CLEC12A: variants seen among roughly 807,000 people sequenced by gnomAD.
The protein encoded by CLEC12A is C-type lectin domain family 12 member A.
In CLEC12A, 22 loss-of-function variants were observed where a neutral mutation model predicts 26.5. The ratio of observed to expected loss-of-function variants is 0.83; its 90% CI spans 0.59 to 1.19. The LOEUF is 1.19. Among genes scored for constraint, CLEC12A ranks in the 50% most tolerant of loss-of-function variants. The pLI is 0.00. For missense variants in CLEC12A, 353 were observed against 315.6 expected (o/e 1.12, Z -0.90); for synonymous variants, 119 against 101.9 (o/e 1.17, Z -1.01).
chr12:9,995,295 T>G, exon 5 of CLEC12A: 9 of 1,475,570 alleles, frequency 6.1e-6, no homozygotes, highest in African/African-American at 1.4e-5. Context: ...TCCACAGCTC[T>G]TGGTATGATA....
intron 4 of CLEC12A, chr12:9,993,180 C>T (rs1445682894): frequency 6.2e-7 from 1 of 1,612,152 alleles, no homozygotes; most frequent in Non-Finnish European, 8.5e-7. Flanking sequence ...GCCAGCCTTC[C>T]TCTCACACAT....
the CLEC12A span, among the ~76,000 whole-genome samples, chr12:10,002,171 G>A: frequency 3.1e-3 from 470 of 152,130 alleles, 2 homozygotes; most frequent in African/African-American, 0.011. Flanking sequence ...TTTAGCTACC[G>A]CGCCTGGCCT....
intron 5 of CLEC12A, among the ~76,000 whole-genome samples, chr12:9,982,554 T>A (rs1325692356): frequency 6.6e-6 from 1 of 152,136 alleles, no homozygotes; most frequent in Non-Finnish European, 1.5e-5. Context: ...TATAGTGTGA[T>A]AAATGCTTCA....
chr12:9,978,919 A>T, intron 1 of CLEC12A, 47 bp from the exon 2 acceptor site: 1 of 1,308,472 alleles, frequency 7.6e-7, no homozygotes. Flanking sequence ...AATCCAAATG[A>T]AAGTTATACC....
At chr12:9,971,764 GAT>G in intron 1 of CLEC12A, 77 bp downstream of exon 1, 1 of 1,248,984 alleles carries the variant, frequency 8.0e-7, no homozygotes, top group Non-Finnish European at 1.1e-6. Flanking sequence ...CAATATTAGT[GAT>G]ATAGTTACTA....
exon 5 of CLEC12A, chr12:9,995,135 C>T: frequency 1.2e-6 from 2 of 1,611,844 alleles, no homozygotes; most frequent in Non-Finnish European, 8.5e-7. Flanking sequence ...TGTCCAGTGA[C>T]TTACATATTT....
downstream of CLEC12A, among the ~76,000 whole-genome samples, chr12:9,986,414 T>C (rs1335583810): frequency 4.3e-5 from 5 of 117,518 alleles, no homozygotes; most frequent in South Asian, 2.6e-4. Context: ...AATTCCTTTA[T>C]CCCCCCCCCC....
intron 1 of CLEC12A, among the ~76,000 whole-genome samples, chr12:9,961,854 C>G (rs1863834351): frequency 6.6e-6 from 1 of 152,218 alleles, no homozygotes; most frequent in African/African-American, 2.4e-5. Flanking sequence ...CCATTCTAAT[C>G]CCTTTGCAGT....
chr12:9,959,565 C>T (rs903746792), intron 1 of CLEC12A, among the ~76,000 whole-genome samples: 2 of 151,874 alleles, frequency 1.3e-5, no homozygotes, highest in Admixed American at 1.3e-4. Flanking sequence ...TCTTGTGTGG[C>T]CTAGAATGTT....
At chr12:9,951,769 C>A (rs898254325) in intron 1 of CLEC12A, 22 of 231,294 alleles carry the variant, frequency 9.5e-5, no homozygotes, top group Non-Finnish European at 1.9e-4. Context: ...GAGTGCAGAC[C>A]GCTTGGGTGT....
chr12:9,977,398 A>G (rs1207359021), intron 1 of CLEC12A, among the ~76,000 whole-genome samples: 1 of 152,232 alleles, frequency 6.6e-6, no homozygotes, highest in Admixed American at 6.5e-5. Flanking sequence ...AAGGCTGTAA[A>G]TAATGTCTCC....
Position 9,979,396 on chromosome 12 carries a change from A to C in CLEC12A, c.251A>C (p.Glu84Ala). Reference protein sequence around the residue: ...KMNKLQNISEELQRNISLQLM... With the variant: ...KMNKLQNISEALQRNISLQLM... ...AACAAACTACAAAACATCAGTGAAG[A>C]GCTCCAGAGAAATATTTCTCTACAA... The change falls in exon 3 of 6, where the codon GAG becomes GCG. Residue 84 changes from glutamate to alanine, a missense_variant. Glu to Ala is a moderately radical substitution (Grantham distance 107). Transcript: ENST00000304361. The C allele has an allele frequency of 6.2e-7, 1 of 1,610,732 alleles. No homozygotes were observed. Among genetic ancestry groups the C allele is most frequent in the Non-Finnish European group, 8.5e-7 (1 of 1,178,074 alleles).
chr12:9,968,752 T>C (rs916701597), upstream of CLEC12A, among the ~76,000 whole-genome samples: 1 of 152,300 alleles, frequency 6.6e-6, no homozygotes, highest in Middle Eastern at 3.4e-3. Context: ...ATGTTTAATA[T>C]TGGAAGACAT....
intron 1 of CLEC12A, among the ~76,000 whole-genome samples, chr12:9,976,533 T>A (rs1228773720): frequency 6.6e-6 from 1 of 152,264 alleles, no homozygotes; most frequent in Non-Finnish European, 1.5e-5. Flanking sequence ...TCTCATTGTA[T>A]CTAGGAAGTA....
intron 4 of CLEC12A, among the ~76,000 whole-genome samples, chr12:9,993,536 T>C (rs540942935): frequency 5.8e-4 from 89 of 152,174 alleles, no homozygotes; most frequent in African/African-American, 2.0e-3. Flanking sequence ...GTAGGTACAA[T>C]AGGAGCCCTG....
chr12:9,976,493 G>T (rs1367184935), intron 1 of CLEC12A, among the ~76,000 whole-genome samples: 2 of 152,116 alleles, frequency 1.3e-5, no homozygotes, highest in Admixed American at 1.3e-4. Flanking sequence ...TCTCCCATTT[G>T]GAATGACCGT....
chr12:9,956,732 C>T (rs1863747404), intron 1 of CLEC12A, among the ~76,000 whole-genome samples: 1 of 152,142 alleles, frequency 6.6e-6, no homozygotes, highest in Admixed American at 6.5e-5. Context: ...ATAAATTGGT[C>T]CTACTGTGAT....
chr12:9,959,965 A>C (rs1217539483), intron 1 of CLEC12A, among the ~76,000 whole-genome samples: 1 of 152,166 alleles, frequency 6.6e-6, no homozygotes, highest in African/African-American at 2.4e-5. Context: ...TCTCCAACAG[A>C]CTTCATTTCT....
the CLEC12A span, among the ~76,000 whole-genome samples, chr12:10,005,428 C>G: frequency 6.6e-6 from 1 of 152,178 alleles, no homozygotes; most frequent in Admixed American, 6.5e-5. Context: ...GCCCAGGTTT[C>G]TTCCATTTTT....
Sources: gnomAD v4.1 joint callset for allele counts (sites outside exome capture counted in the v4.1 genomes callset) on GRCh38, gnomAD v4.1.1 for gene constraint, MANE v1.5 for transcripts, NCBI Gene and HGNC (gene_info 2026-07-23, HGNC 2026-07-21) for gene names.